TNC: variants seen among roughly 807,000 people sequenced by gnomAD.
The protein encoded by TNC is tenascin.
Under a neutral mutation model 202.4 loss-of-function variants are expected in TNC, and 109 were observed. The ratio of observed to expected loss-of-function variants is 0.54; its 90% CI spans 0.46 to 0.63. TNC has a LOEUF of 0.63. Ranked by LOEUF, TNC falls within the 30% of genes least tolerant of loss-of-function variation. The pLI is 0.00. For missense variants in TNC, 2,756 were observed against 2,833.3 expected (o/e 0.97, Z 0.62); for synonymous variants, 1,007 against 1,089.7 (o/e 0.92, Z 1.50).
intron 21 of TNC, chr9:115,035,700 A>G: frequency 3.8e-6 from 1 of 261,588 alleles, no homozygotes; most frequent in Non-Finnish European, 7.3e-6. Context: ...TGCTTGCTAT[A>G]GTTTGTAAAA....
intron 1 of TNC, among the ~76,000 whole-genome samples, chr9:115,095,280 T>C (rs1485761673): frequency 1.3e-5 from 2 of 151,676 alleles, no homozygotes; most frequent in East Asian, 3.9e-4. Flanking sequence ...TAATGAAAAA[T>C]ATGGACTTTA....
rs1319128290 is a variant in TNC at position 115,063,777 on chromosome 9, G to A, written c.3760+19C>T. 1 of 1,598,428 alleles carries A rather than the reference G, an allele frequency of 6.3e-7. No homozygotes were observed. The highest frequency in any genetic ancestry group is 1.1e-5 in the South Asian group (1 of 90,062). On this transcript the variant is annotated intron_variant, in intron 12 of 27. Coordinates refer to ENST00000350763, the MANE Select transcript of TNC (RefSeq NM_002160.4). ...GAGACAAAGGGGAGGAAGTGAATTA[G>A]TGAATTCGTCTAGAATACCTGTCAA...
chr9:115,044,381 G>A (rs975076365), intron 17 of TNC, among the ~76,000 whole-genome samples: 1 of 101,770 alleles, frequency 9.8e-6, no homozygotes, highest in Admixed American at 1.1e-4. Flanking sequence ...GCACAGGCAT[G>A]TAGACACACA....
At chr9:115,057,613 G>A (rs536661119) in intron 14 of TNC, among the ~76,000 whole-genome samples, 188 bp from the exon 15 acceptor site, 1 of 152,324 alleles carries the variant, frequency 6.6e-6, no homozygotes, top group Admixed American at 6.5e-5. Context: ...TTTGTTAAAA[G>A]AAATTAGAAA....
At chr9:115,065,560 A>G (rs1832884470) in intron 10 of TNC, among the ~76,000 whole-genome samples, 1 of 152,204 alleles carries the variant, frequency 6.6e-6, no homozygotes, top group Non-Finnish European at 1.5e-5. Context: ...GTCTTGCATC[A>G]TAATGGGGTG....
At chr9:115,064,532 C>T (rs920092823) in intron 11 of TNC, 115 bp downstream of exon 11, 10 of 1,319,864 alleles carry the variant, frequency 7.6e-6, no homozygotes, top group Non-Finnish European at 1.0e-5. Context: ...AATTAGACCC[C>T]ATAGACATAA....
At position 115,052,831 on chromosome 9, in the gene TNC, G is replaced by A. The variant is rs1564443125; in HGVS notation, c.4580-4299C>T. Reference sequence around the variant, plus strand: ...CGTCATAGCCAGTGTTCTCCACCAAGCCTGTGATGTGAGCTTGCTTTGCAT... The same window carrying A: ...CGTCATAGCCAGTGTTCTCCACCAAACCTGTGATGTGAGCTTGCTTTGCAT... On this transcript the variant is annotated intron_variant, in intron 15 of 27. Transcript: ENST00000350763. The A allele has an allele frequency of 4.3e-6, 3 of 702,726 alleles. 1 individual carries two copies. The highest frequency in any genetic ancestry group is 3.0e-5 in the South Asian group (2 of 67,588). The allele number at this position is 702,726 out of a possible 1,614,324, so 43.5% of individuals were successfully genotyped here.
chr9:115,063,853 T>C lies in TNC; in HGVS notation c.3703A>G (p.Ile1235Val), dbSNP rs1294128484. 1 of 1,614,118 alleles carries C rather than the reference T, an allele frequency of 6.2e-7. No homozygotes were observed. Among genetic ancestry groups the C allele is most frequent in the Non-Finnish European group, 8.5e-7 (1 of 1,180,004 alleles). Reference protein sequence around the residue: ...LKAATHYTITIRGVTQDFSTT... With the variant: ...LKAATHYTITVRGVTQDFSTT... Reference sequence around the variant, plus strand: ...CTGAAGTCCTGAGTGACCCCGCGGATGGTGATGGTATAATGAGTGGCTGCT... The same window carrying C: ...CTGAAGTCCTGAGTGACCCCGCGGACGGTGATGGTATAATGAGTGGCTGCT... Residue 1235 changes from isoleucine to valine, a missense_variant, in exon 12 of 28, where the codon ATC becomes GTC. Physicochemically the swap from Ile to Val is conservative, Grantham distance 29 (BLOSUM62 3). This residue lies in a region of TNC where 2,559 missense variants were observed against 2,546.0 expected (regional missense o/e 1.01). Coordinates refer to ENST00000350763, the MANE Select transcript of TNC (RefSeq NM_002160.4).
chr9:115,086,968 G>T lies in TNC; in HGVS notation c.763C>A (p.Pro255Thr), dbSNP rs1476507216. ...CATGTGCCGTGCTCCTCACTGCAGG[G>T]CACTGGGCAGATTTCACGGCTGCAG... ...ADCSREICPV[P>T]CSEEHGTCVD... Residue 255 changes from proline to threonine, a missense_variant, in exon 3 of 28, where the codon CCC (proline) becomes ACC (threonine). Physicochemically the swap from Pro to Thr is conservative, Grantham distance 38. Around this residue, in one of 2 missense-constraint regions of TNC, gnomAD observed 2,559 missense variants for 2,546.0 expected, o/e 1.01. Transcript: ENST00000350763. 6 of 1,614,056 alleles carry T rather than the reference G, an allele frequency of 3.7e-6. No individual in the cohort carries two copies. Among genetic ancestry groups the T allele is most frequent in the Non-Finnish European group, 5.1e-6 (6 of 1,180,048 alleles).
chr9:115,057,959 G>A (rs1832262002), intron 14 of TNC, among the ~76,000 whole-genome samples: 1 of 152,216 alleles, frequency 6.6e-6, no homozygotes, highest in African/African-American at 2.4e-5. Context: ...CTGATTTTGT[G>A]ACTTAATGGT....
rs1477442316 is a variant in TNC, at chr9:115,117,987, C to T, written c.-142G>A. On this transcript the variant is annotated 5_prime_UTR_variant, in exon 1 of 28. Transcript: ENST00000350763. ...TGAGGGCAAAACAGACTTACCTTTC[C>T]GATGGGCGAGAGACCTAGGTCCTTG... 1 of 152,182 alleles carries T rather than the reference C, an allele frequency of 6.6e-6. No homozygotes were observed. Among genetic ancestry groups the T allele is most frequent in the Non-Finnish European group, 1.5e-5 (1 of 68,052 alleles). The allele number at this position is 152,182 out of a possible 1,614,324, so 9.4% of individuals were successfully genotyped here. A position where few individuals can be genotyped will look rare whatever the true frequency, so the allele number is the denominator to read the frequency against.
intron 1 of TNC, among the ~76,000 whole-genome samples, chr9:115,108,284 T>C (rs1836766505): frequency 6.6e-6 from 1 of 152,174 alleles, no homozygotes; most frequent in South Asian, 2.1e-4. Context: ...TTGCAAGATG[T>C]TTTTAGGTAG....
At chr9:115,093,372 C>T (rs1056040377) in intron 1 of TNC, among the ~76,000 whole-genome samples, 6 of 152,186 alleles carry the variant, frequency 3.9e-5, no homozygotes, top group South Asian at 2.1e-4. Flanking sequence ...CTCTTTTGAG[C>T]ATGCTTTCTC....
chr9:115,048,129 A>C (rs1342943774), intron 16 of TNC, 131 bp downstream of exon 16: 2 of 1,172,318 alleles, frequency 1.7e-6, no homozygotes, highest in Non-Finnish European at 2.4e-6. Flanking sequence ...GGAGAAGGTG[A>C]AACAGTAGAC....
chr9:115,028,924 GAAAAAAAAAAAAAAAA>G (rs57737243), intron 25 of TNC, among the ~76,000 whole-genome samples: 2,129 of 63,802 alleles, frequency 0.033, 4 homozygotes, highest in Middle Eastern at 0.062. Flanking sequence ...CATTATCTCT[GAAAAAAAAAAAAAAAA>G]AAAAAAAAAA....
At chr9:115,076,630 G>A in intron 7 of TNC, 55 bp from the exon 8 acceptor site, 1 of 1,570,388 alleles carries the variant, frequency 6.4e-7, no homozygotes, top group Non-Finnish European at 8.7e-7. Flanking sequence ...GAGAGCAGGA[G>A]TCTTTGACAG....
intron 3 of TNC, 47 bp downstream of exon 3, chr9:115,085,817 C>T: frequency 6.5e-7 from 1 of 1,528,230 alleles, no homozygotes; most frequent in Non-Finnish European, 8.9e-7. Context: ...TACTAGGAGT[C>T]CACTCCATCA....
rs1290162000 is a variant in TNC, at chr9:115,077,957, T to C, written c.2660A>G (p.Glu887Gly). Reference protein sequence around the residue: ...RGDMSSNPAKETFTTGLDAPR... With the variant: ...RGDMSSNPAKGTFTTGLDAPR... ...AGGCCTTTTACCTGTTGTGAAGGTC[T>C]CTTTGGCTGGGTTGCTTGACATGTC... The change falls in exon 7 of 28, where the codon GAG becomes GGG. Residue 887 changes from glutamate (E) to glycine (G), a missense_variant. Glu to Gly is a moderately conservative substitution (Grantham distance 98). Around this residue, in one of 2 missense-constraint regions of TNC, gnomAD observed 2,559 missense variants for 2,546.0 expected, o/e 1.01. Coordinates refer to ENST00000350763, the MANE Select transcript of TNC (RefSeq NM_002160.4). The C allele has an allele frequency of 1.2e-6, 2 of 1,614,050 alleles. No individual in the cohort carries two copies. Among genetic ancestry groups the C allele is most frequent in the Non-Finnish European group, 1.7e-6 (2 of 1,179,994 alleles).
rs1757095 is a variant in TNC at position 115,086,115 on chromosome 9, T to A, written c.1616A>T (p.Gln539Leu). ...ELSCPNDCHGQGRCVNGQCVC... is the reference protein window; with the variant it reads ...ELSCPNDCHGLGRCVNGQCVC... ...GCACTGCCCATTCACACAGCGACCC[T>A]GGCCATGGCAGTCATTTGGACAGGA... The change falls in exon 3 of 28, where the codon CAG becomes CTG. Residue 539 changes from glutamine to leucine, a missense_variant. Coordinates refer to ENST00000350763, the MANE Select transcript of TNC (RefSeq NM_002160.4). 6.2e-7 allele frequency: 1 copy of A among 1,614,144 alleles called. No homozygotes were observed. Among genetic ancestry groups the A allele is most frequent in the East Asian group, 2.2e-5 (1 of 44,880 alleles).
Sources: allele counts gnomAD v4.1 joint callset (sites outside exome capture counted in the v4.1 genomes callset), GRCh38; gene constraint gnomAD v4.1.1; regional missense constraint gnomAD v4.1.1; transcripts MANE v1.5; gene names NCBI Gene and HGNC (gene_info 2026-07-23, HGNC 2026-07-21).